Variants in AMMECR1L observed in about 807,000 individuals in gnomAD.
AMMECR1L encodes the protein AMMECR1-like protein.
In AMMECR1L, 4 loss-of-function variants were observed where a neutral mutation model predicts 36.8. The observed-to-expected ratio is 0.11, with a 90% CI of 0.05 to 0.25. The LOEUF is 0.25. AMMECR1L is among the 10% of genes least tolerant of loss of function. The pLI is 1.00. For synonymous variants in AMMECR1L, 147 were observed against 148.0 expected (o/e 0.99, Z 0.05); for missense variants, 232 against 392.1 (o/e 0.59, Z 3.45).
rs2104753674 is a variant in AMMECR1L, at chr2:127,870,925, T to C, written c.522A>G (p.Ala174=). 1 of 1,611,488 alleles carries C rather than the reference T, an allele frequency of 6.2e-7. No individual in the cohort carries two copies. Among genetic ancestry groups the C allele is most frequent in the Non-Finnish European group, 8.5e-7 (1 of 1,178,738 alleles). ...GGGGGGGAAATCGGCTGTCCTTAAG[T>C]GCACTGGAGGGGGACAGAAAACATA... ...SGLREYTLTS[A]LKDSRFPPLT... is the part of the protein sequence containing the mutation. Residue 174 remains alanine (A), a synonymous_variant, in exon 5 of 8, where the codon GCA becomes GCG. Transcript: ENST00000272647.
chr2:127,871,731 C>A lies in AMMECR1L; in HGVS notation c.408-372G>T, dbSNP rs776021782. Among the ~76,000 whole-genome samples the A allele has an allele frequency of 6.6e-6, 1 of 152,126 alleles. No homozygotes were observed. Among genetic ancestry groups the A allele is most frequent in the Non-Finnish European group, 1.5e-5 (1 of 68,022 alleles). On this transcript the variant is annotated intron_variant, in intron 3 of 7. Transcript: ENST00000272647. The surrounding 1 kb of genome is among the most constrained non-coding windows in gnomAD (Gnocchi z 4.3). ...ATTTATCCAGGTAGCCATGCTCCCC[C>A]GCTCCGTCTTTCATGATGACACGCC...
At chr2:127,884,159 C>G (rs908572594) in intron 2 of AMMECR1L, 44 bp downstream of exon 2, 1 of 152,206 alleles carries the variant, frequency 6.6e-6, no homozygotes, top group Non-Finnish European at 1.5e-5. Flanking sequence ...AAATCAAAAA[C>G]TACAACGATG....
rs1369494608 is a variant in AMMECR1L at position 127,869,934 on chromosome 2, A to C, written c.634-390T>G. Among the ~76,000 whole-genome samples, 1 of 152,232 alleles carries C rather than the reference A, an allele frequency of 6.6e-6. No homozygotes were observed. The highest frequency in any genetic ancestry group is 2.4e-5 in the African/African-American group (1 of 41,468). Reference sequence around the variant, plus strand: ...TTTATTTGGCCAGGCGCGGTGGCTCATGCCTGTAATCCCAACAATTTGGGA... The same window carrying C: ...TTTATTTGGCCAGGCGCGGTGGCTCCTGCCTGTAATCCCAACAATTTGGGA... On this transcript the variant is annotated intron_variant, in intron 5 of 7. Transcript: ENST00000272647. The surrounding 1 kb of genome is among the most constrained non-coding windows in gnomAD (Gnocchi z 4.7).
At chr2:127,867,136 C>G in intron 6 of AMMECR1L, 140 bp from the exon 7 acceptor site, 1 of 1,475,012 alleles carries the variant, frequency 6.8e-7, no homozygotes, top group Non-Finnish European at 9.0e-7. Context: ...GGCACTGACC[C>G]CCACGTACCT....
chr2:127,885,542 G>A (rs1244149925), intron 1 of AMMECR1L: 2 of 983,356 alleles, frequency 2.0e-6, no homozygotes, highest in African/African-American at 3.5e-5. Flanking sequence ...GCCGAGCCTC[G>A]CGGCCCGGGG....
intron 1 of AMMECR1L, chr2:127,884,859 A>T (rs536847217): frequency 5.9e-5 from 9 of 152,130 alleles, no homozygotes; most frequent in African/African-American, 1.9e-4. Flanking sequence ...CTCTTCACCA[A>T]CTCTCCCCAC....
intron 2 of AMMECR1L, among the ~76,000 whole-genome samples, chr2:127,876,536 T>C: frequency 6.6e-6 from 1 of 152,158 alleles, no homozygotes; most frequent in East Asian, 1.9e-4. Context: ...TGGATGTCAC[T>C]GTCTTATTTG....
In AMMECR1L at chr2:127,884,306, C is replaced by T. The variant is rs1691653042; in HGVS notation, c.-142G>A. ...CTTCCTTCCGATTCCATTCCTTCTT[C>T]CTGTACCTAAGACGGAAATGCAGGT... On this transcript the variant is annotated 5_prime_UTR_variant, in exon 2 of 8. Coordinates refer to ENST00000272647, the MANE Select transcript of AMMECR1L (RefSeq NM_001199140.2). 1 of 152,056 alleles carries T rather than the reference C, an allele frequency of 6.6e-6. No individual in the cohort carries two copies. Among genetic ancestry groups the T allele is most frequent in the Non-Finnish European group, 1.5e-5 (1 of 68,052 alleles). The allele number at this position is 152,056 out of a possible 1,614,324, so 9.4% of individuals were successfully genotyped here.
chr2:127,877,883 A>G (rs899934125), intron 2 of AMMECR1L, among the ~76,000 whole-genome samples: 1 of 152,080 alleles, frequency 6.6e-6, no homozygotes, highest in Non-Finnish European at 1.5e-5. Context: ...CAACAAAGTG[A>G]GACATCTGTC....
chr2:127,867,082 G>A, intron 6 of AMMECR1L, 86 bp from the exon 7 acceptor site: 1 of 1,580,176 alleles, frequency 6.3e-7, no homozygotes, highest in Non-Finnish European at 8.6e-7. Flanking sequence ...AAGAGAAATG[G>A]GACTCGAGAA....
At chr2:127,885,287 A>C in intron 1 of AMMECR1L, 1 of 984,084 alleles carries the variant, frequency 1.0e-6, no homozygotes, top group Non-Finnish European at 1.2e-6. Flanking sequence ...ACAGGGTGAA[A>C]GGTGAGAAAC....
At chr2:127,880,062 A>T (rs139937792) in intron 2 of AMMECR1L, among the ~76,000 whole-genome samples, 90 of 152,342 alleles carry the variant, frequency 5.9e-4, no homozygotes, top group African/African-American at 2.0e-3. Flanking sequence ...CTACACTTAG[A>T]GAGGCAGAGG....
intron 1 of AMMECR1L, 102 bp from the exon 2 acceptor site, chr2:127,884,414 G>A (rs1231577580): frequency 6.6e-6 from 1 of 152,538 alleles, no homozygotes; most frequent in Non-Finnish European, 1.5e-5. Flanking sequence ...CAATTTCGGG[G>A]GGGTGGGGGG....
chr2:127,880,987 T>C (rs1163409153), intron 2 of AMMECR1L, among the ~76,000 whole-genome samples: 4 of 152,204 alleles, frequency 2.6e-5, no homozygotes, highest in East Asian at 3.8e-4. Flanking sequence ...ATAGCCACTG[T>C]GGATAATTCA....
At chr2:127,884,867 CACT>C (rs1691681993) in intron 1 of AMMECR1L, 1 of 152,268 alleles carries the variant, frequency 6.6e-6, no homozygotes, top group Non-Finnish European at 1.5e-5. Context: ...CAACTCTCCC[CACT>C]ACTAGAGAAT....
chr2:127,885,491 C>G, intron 1 of AMMECR1L: 1 of 983,744 alleles, frequency 1.0e-6, no homozygotes, highest in Non-Finnish European at 1.2e-6. Flanking sequence ...GCGAGCGAGC[C>G]TGCTTCCTGG....
rs561155992 is a variant in AMMECR1L at position 127,865,601 on chromosome 2, T to C, written c.822-396A>G. Among the ~76,000 whole-genome samples the C allele has an allele frequency of 3.3e-5, 5 of 152,194 alleles. No homozygotes were observed. Among genetic ancestry groups the C allele is most frequent in the African/African-American group, 1.2e-4 (5 of 41,434 alleles). ...ACTGCACATCTACTTCCAGAGTAAATGTGATACATTTGACAGAAATGCAAC... is the reference window on the plus strand; with the variant it reads ...ACTGCACATCTACTTCCAGAGTAAACGTGATACATTTGACAGAAATGCAAC... On this transcript the variant is annotated intron_variant, in intron 7 of 7. Transcript: ENST00000272647. This position sits in a 1 kb window ranked among gnomAD's most constrained non-coding sequence, Gnocchi z 5.4.
At chr2:127,867,060 G>C in intron 6 of AMMECR1L, 64 bp from the exon 7 acceptor site, 1 of 1,604,386 alleles carries the variant, frequency 6.2e-7, no homozygotes, top group Non-Finnish European at 8.5e-7. Flanking sequence ...GCTCTCACAT[G>C]GCCCGTGCAA....
intron 2 of AMMECR1L, among the ~76,000 whole-genome samples, chr2:127,883,129 G>A (rs1012299119): frequency 6.8e-5 from 10 of 146,868 alleles, no homozygotes; most frequent in Non-Finnish European, 1.2e-4. Context: ...ACAGAGTCTC[G>A]CTCTGTCGTC....
Sources: allele counts gnomAD v4.1 joint callset (sites outside exome capture counted in the v4.1 genomes callset), GRCh38; gene constraint gnomAD v4.1.1; non-coding constraint Gnocchi (gnomAD v3.1); transcripts MANE v1.5; gene names NCBI Gene and HGNC (gene_info 2026-07-23, HGNC 2026-07-21).